PRKG1: variants seen among roughly 807,000 people sequenced by gnomAD.
The protein encoded by PRKG1 is cGMP-dependent protein kinase 1.
PRKG1 carries 35 observed loss-of-function variants against 88.1 expected under a neutral mutation model. The observed-to-expected ratio is 0.40, with a 90% CI of 0.30 to 0.53. The LOEUF (loss-of-function observed/expected upper bound fraction) is 0.53, where lower values mean the gene tolerates loss of function less well. PRKG1 is among the 20% of genes least tolerant of loss of function. PRKG1 has a pLI of 0.59. For synonymous variants in PRKG1, 303 were observed against 292.5 expected (o/e 1.04, Z -0.37); for missense variants, 540 against 839.8 (o/e 0.64, Z 4.41).
intron 2 of PRKG1, among the ~76,000 whole-genome samples, chr10:51,425,530 G>A (rs1838552495): frequency 6.6e-6 from 1 of 152,140 alleles, no homozygotes; most frequent in East Asian, 1.9e-4. Flanking sequence ...TGCACTAACT[G>A]GAAGTCTGAT....
chr10:51,333,388 A>G (rs980575000), intron 2 of PRKG1, among the ~76,000 whole-genome samples: 1 of 152,224 alleles, frequency 6.6e-6, no homozygotes, highest in Non-Finnish European at 1.5e-5. Flanking sequence ...CAATATAACT[A>G]TGAGGAAGAT....
At chr10:52,214,394 A>C (rs931322882) in intron 9 of PRKG1, among the ~76,000 whole-genome samples, 9 of 152,196 alleles carry the variant, frequency 5.9e-5, no homozygotes, top group African/African-American at 2.2e-4. Flanking sequence ...ATTTAGATGC[A>C]CAAACTTTGA....
At chr10:51,217,468 A>G (rs1838401887) in intron 2 of PRKG1, among the ~76,000 whole-genome samples, 1 of 152,150 alleles carries the variant, frequency 6.6e-6, no homozygotes, top group Admixed American at 6.5e-5. Context: ...ATTACAAAAG[A>G]AGAGATCTGG....
chr10:51,637,587 C>T (rs996084379), intron 3 of PRKG1, among the ~76,000 whole-genome samples: 5 of 152,090 alleles, frequency 3.3e-5, no homozygotes, highest in Non-Finnish European at 5.9e-5. Flanking sequence ...ACCTTGCAGC[C>T]GTTAAAAGGA....
intron 2 of PRKG1, among the ~76,000 whole-genome samples, chr10:51,280,914 G>A (rs1291077316): frequency 6.6e-6 from 1 of 152,218 alleles, no homozygotes; most frequent in Non-Finnish European, 1.5e-5. Context: ...GCGAGGAGCT[G>A]CCTTCCTTTG....
chr10:52,038,268 AAG>A (rs1183022847), intron 5 of PRKG1, among the ~76,000 whole-genome samples: 2 of 151,970 alleles, frequency 1.3e-5, no homozygotes, highest in African/African-American at 2.4e-5. Flanking sequence ...GCCTAGAGAA[AAG>A]AGAGAGTAGA....
intron 2 of PRKG1, among the ~76,000 whole-genome samples, chr10:51,464,783 T>C (rs977978462): frequency 1.8e-4 from 26 of 146,856 alleles, no homozygotes; most frequent in Admixed American, 9.6e-4. Context: ...CCCAGCTACT[T>C]GGGAGGCTGA....
At chr10:51,817,679 A>G (rs1404105234) in intron 4 of PRKG1, among the ~76,000 whole-genome samples, 2 of 152,128 alleles carry the variant, frequency 1.3e-5, no homozygotes, top group African/African-American at 4.8e-5. Flanking sequence ...TGTTATTTTT[A>G]ATTTATGTTT....
chr10:52,229,589 T>C (rs1167157499), intron 9 of PRKG1, among the ~76,000 whole-genome samples: 1 of 152,202 alleles, frequency 6.6e-6, no homozygotes, highest in East Asian at 1.9e-4. Context: ...TCTCAGACTT[T>C]GTGAATGCCT....
At chr10:52,005,289 T>C (rs1350399896) in intron 5 of PRKG1, among the ~76,000 whole-genome samples, 2 of 147,486 alleles carry the variant, frequency 1.4e-5, no homozygotes, top group African/African-American at 2.5e-5. Context: ...TAGAGACGGA[T>C]TTTTGCTATG....
intron 9 of PRKG1, among the ~76,000 whole-genome samples, chr10:52,212,518 G>A (rs1234529016): frequency 1.3e-5 from 2 of 151,678 alleles, no homozygotes; most frequent in Non-Finnish European, 2.9e-5. Flanking sequence ...TTTTAAAAAA[G>A]AGAGAATTAA....
chr10:51,707,580 C>T (rs75171233), intron 3 of PRKG1, among the ~76,000 whole-genome samples: 2,989 of 149,500 alleles, frequency 0.02, 45 homozygotes, highest in South Asian at 0.031. Flanking sequence ...AGTGGAACAA[C>T]GCATGAATCT....
At chr10:51,367,400 C>T (rs1398617605) in intron 2 of PRKG1, among the ~76,000 whole-genome samples, 1 of 151,804 alleles carries the variant, frequency 6.6e-6, no homozygotes, top group Admixed American at 6.6e-5. Context: ...AGAGGTGTGT[C>T]GATATGCAGA....
intron 2 of PRKG1, among the ~76,000 whole-genome samples, chr10:51,298,599 C>A (rs1388275228): frequency 6.6e-6 from 1 of 152,112 alleles, no homozygotes; most frequent in Non-Finnish European, 1.5e-5. Context: ...TTTTATTTTA[C>A]AATCTTATTT....
At chr10:51,918,329 A>T in intron 5 of PRKG1, among the ~76,000 whole-genome samples, 1 of 120,624 alleles carries the variant, frequency 8.3e-6, no homozygotes, top group Non-Finnish European at 1.7e-5. Context: ...TATCGACTTG[A>T]CTTATTTTTT....
At chr10:51,466,955 G>A (rs892077411) in intron 2 of PRKG1, among the ~76,000 whole-genome samples, 2 of 152,038 alleles carry the variant, frequency 1.3e-5, no homozygotes, top group East Asian at 3.9e-4. Context: ...TCTTGATTGT[G>A]TTAGGCCATG....
At chr10:51,772,956 C>T (rs144391072) in intron 3 of PRKG1, among the ~76,000 whole-genome samples, 1 of 152,042 alleles carries the variant, frequency 6.6e-6, no homozygotes, top group African/African-American at 2.4e-5. Flanking sequence ...CTTTGGGGCT[C>T]AGATAGCAAT....
intron 2 of PRKG1, among the ~76,000 whole-genome samples, chr10:51,171,230 C>T (rs901046590): frequency 6.6e-6 from 1 of 152,064 alleles, no homozygotes; most frequent in African/African-American, 2.4e-5. Context: ...ATTGAGAAGA[C>T]TAACTGACAA....
chr10:52,032,214 T>A (rs1051589403), intron 5 of PRKG1, among the ~76,000 whole-genome samples: 1 of 152,234 alleles, frequency 6.6e-6, no homozygotes, highest in Non-Finnish European at 1.5e-5. Flanking sequence ...TCTAGGATCA[T>A]TGTTACTAAC....
Sources: allele counts gnomAD v4.1 joint callset (sites outside exome capture counted in the v4.1 genomes callset), GRCh38; gene constraint gnomAD v4.1.1; transcripts MANE v1.5; gene names NCBI Gene and HGNC (gene_info 2026-07-23, HGNC 2026-07-21).